ASIC1: variants seen among roughly 807,000 people sequenced by gnomAD.
ASIC1 encodes acid-sensing ion channel 1.
A neutral mutation model predicts 63.4 loss-of-function variants in ASIC1; 21 were observed. That is an observed-to-expected ratio of 0.33 (90% CI 0.23 to 0.48). The LOEUF (loss-of-function observed/expected upper bound fraction) is 0.48. Ranked by LOEUF, ASIC1 falls within the 20% of genes least tolerant of loss-of-function variation. The pLI is 0.99. For missense variants in ASIC1, 478 were observed against 695.5 expected, an observed-to-expected ratio of 0.69 and a Z score of 3.52; for synonymous variants, 258 against 278.2, an observed-to-expected ratio of 0.93 and a Z score of 0.72.
chr12:50,066,210 G>T (rs1425461509), intron 3 of ASIC1, among the ~76,000 whole-genome samples: 2 of 152,158 alleles, frequency 1.3e-5, no homozygotes, highest in Admixed American at 6.5e-5. Context: ...CATAATTCTT[G>T]TAGGAAGGAA....
chr12:50,064,607 C>G (rs888209041), intron 3 of ASIC1, among the ~76,000 whole-genome samples: 4 of 152,154 alleles, frequency 2.6e-5, no homozygotes, highest in African/African-American at 9.7e-5. Context: ...AGGAGCACCT[C>G]TAAGTCTTGG....
chr12:50,073,556 TC>T (rs1257191778), intron 3 of ASIC1: 1 of 1,477,154 alleles, frequency 6.8e-7, no homozygotes, highest in Non-Finnish European at 9.0e-7. Flanking sequence ...CTCCTGCAAA[TC>T]CCTGGCACCA....
At chr12:50,065,803 C>T (rs1458614636) in intron 3 of ASIC1, among the ~76,000 whole-genome samples, 54 of 152,346 alleles carry the variant, frequency 3.5e-4, no homozygotes, top group Non-Finnish European at 2.9e-5. Context: ...GGAGGTTGGG[C>T]TGTGCAGCTT....
chr12:50,079,044 G>T, intron 7 of ASIC1, 64 bp downstream of exon 7: 1 of 1,520,408 alleles, frequency 6.6e-7, no homozygotes. Flanking sequence ...ACGTGCGCAG[G>T]AGTTTCAGGT....
intron 3 of ASIC1, among the ~76,000 whole-genome samples, chr12:50,071,234 C>A (rs1950595619): frequency 6.7e-6 from 1 of 149,056 alleles, no homozygotes; most frequent in Non-Finnish European, 1.5e-5. Context: ...TGGCTGGATG[C>A]TGGCCTGAGG....
chr12:50,060,590 C>T (rs1397398232), intron 3 of ASIC1, among the ~76,000 whole-genome samples: 1 of 152,202 alleles, frequency 6.6e-6, no homozygotes, highest in East Asian at 1.9e-4. Context: ...AGCCGCAGAG[C>T]CAGGATCTGA....
Position 50,081,662 on chromosome 12 carries a change from G to A in ASIC1, c.*13G>A, listed in dbSNP as rs772051908. ...CTTTACCTGCTGAGCCCCGCAGGCCGCTGAACCAAAGGCCTAGATGGGGAG... is the reference window on the plus strand; with the variant it reads ...CTTTACCTGCTGAGCCCCGCAGGCCACTGAACCAAAGGCCTAGATGGGGAG... On this transcript the variant is annotated 3_prime_UTR_variant, in exon 12 of 12. Transcript: ENST00000447966. 6.2e-7 allele frequency: 1 copy of A among 1,611,464 alleles called. No individual in the cohort carries two copies. The highest frequency in any genetic ancestry group is 1.1e-5 in the South Asian group (1 of 90,756).
Position 50,078,078 on chromosome 12 carries a change from T to C in ASIC1, c.788T>C (p.Phe263Ser). 6.2e-7 allele frequency: 1 copy of C among 1,614,024 alleles called. No homozygotes were observed. ...CCTCCTTTCATCGACCAGCTGGGCTTTGGCGTGGCCCCAGGCTTCCAGACC... is the reference window on the plus strand; with the variant it reads ...CCTCCTTTCATCGACCAGCTGGGCTCTGGCGTGGCCCCAGGCTTCCAGACC... The part of the protein sequence containing the change: ...DEPPFIDQLG[F>S]GVAPGFQTFV... The change falls in exon 5 of 12, where the codon TTT becomes TCT. Residue 263 changes from phenylalanine (F) to serine (S), a missense_variant. Phe to Ser is a radical substitution (Grantham distance 155). This residue lies in a region of ASIC1 where 290 missense variants were observed against 414.9 expected (regional missense o/e 0.70). Transcript: ENST00000447966. This position sits in a 1 kb window ranked among gnomAD's most constrained non-coding sequence, Gnocchi z 6.0.
Position 50,081,322 on chromosome 12 carries a change from G to A in ASIC1, c.1440G>A (p.Ala480=), listed in dbSNP as rs1467444950. The A allele has an allele frequency of 6.2e-7, 1 of 1,610,778 alleles. No individual in the cohort carries two copies. Among genetic ancestry groups the A allele is most frequent in the Non-Finnish European group, 8.5e-7 (1 of 1,178,562 alleles). Residue 480 remains alanine (A), a synonymous_variant, in exon 11 of 12, where the codon GCG becomes GCA. Transcript: ENST00000447966. Reference sequence around the variant, plus strand: ...AGAAGGAGGCCAAAAGGAGCAGTGCGGACAAGGGCGTGGCCCTCAGCCTGG... The same window carrying A: ...AGAAGGAGGCCAAAAGGAGCAGTGCAGACAAGGGCGTGGCCCTCAGCCTGG... ...KCQKEAKRSS[A]DKGVALSLDD...
chr12:50,074,332 G>A lies in ASIC1; in HGVS notation c.559-2881G>A. The stretch of plus-strand genomic sequence containing the variant: ...GTCACCTCCTGGGGTTGGGGCTGGG[G>A]CTGGGGCTGGGGCTGATGACTGTGC... On this transcript the variant is annotated intron_variant, in intron 3 of 11. Transcript: ENST00000447966. This position sits in a 1 kb window ranked among gnomAD's most constrained non-coding sequence, Gnocchi z 4.2. 1 of 1,426,540 alleles carries A rather than the reference G, an allele frequency of 7.0e-7. No homozygotes were observed. Among genetic ancestry groups the A allele is most frequent in the Non-Finnish European group, 9.1e-7 (1 of 1,094,034 alleles). 88.4% of individuals were successfully genotyped at this position (1,426,540 alleles called of 1,614,324 possible).
intron 3 of ASIC1, among the ~76,000 whole-genome samples, chr12:50,071,443 G>T (rs572243525): frequency 4.8e-4 from 68 of 141,518 alleles, no homozygotes; most frequent in Admixed American, 9.9e-4. Flanking sequence ...AATTTTTTTG[G>T]TTTTTTTTTT....
At position 50,082,084 on chromosome 12, in the gene ASIC1, G is replaced by A. The variant is rs1300682097; in HGVS notation, c.*435G>A. The A allele has an allele frequency of 2.2e-5, 4 of 179,490 alleles. No homozygotes were observed. Among genetic ancestry groups the A allele is most frequent in the Non-Finnish European group, 4.7e-5 (4 of 85,190 alleles). The allele number at this position is 179,490 out of a possible 1,614,324, so 11.1% of individuals were successfully genotyped here. On this transcript the variant is annotated 3_prime_UTR_variant, in exon 12 of 12. Coordinates refer to ENST00000447966, the MANE Select transcript of ASIC1 (RefSeq NM_001095.4). ...CCAAACCAGAGAATGTACCTTAAGG[G>A]GGAGGGCTAGTGTGGGGGAGGGAGG...
intron 3 of ASIC1, chr12:50,073,977 G>C (rs747262393): frequency 2.7e-4 from 414 of 1,535,750 alleles, no homozygotes; most frequent in Non-Finnish European, 3.4e-4. Context: ...CCACGGAGCT[G>C]GCCTTCCCGG....
At chr12:50,080,402 C>A (rs1240045125) in intron 8 of ASIC1, 96 bp from the exon 9 acceptor site, 3 of 1,173,256 alleles carry the variant, frequency 2.6e-6, no homozygotes. Context: ...GATATGGAAA[C>A]TGAGATTCAG....
rs756842088 is a variant in ASIC1 at position 50,074,187 on chromosome 12, C to T, written c.559-3026C>T. The T allele has an allele frequency of 7.8e-5, 119 of 1,531,820 alleles. 1 individual carries two copies. The highest frequency in any genetic ancestry group is 4.0e-5 in the Admixed American group (2 of 50,524). 94.9% of individuals were successfully genotyped at this position (1,531,820 alleles called of 1,614,324 possible). On this transcript the variant is annotated intron_variant, in intron 3 of 11. Transcript: ENST00000447966. The surrounding 1 kb of genome is among the most constrained non-coding windows in gnomAD (Gnocchi z 4.2). Reference sequence around the variant, plus strand: ...ATCGCTCCTGCCACCGGCTGGAGGACATGCTGCTCTATTGCTCCTACCAAG... The same window carrying T: ...ATCGCTCCTGCCACCGGCTGGAGGATATGCTGCTCTATTGCTCCTACCAAG...
At position 50,059,904 on chromosome 12, in the gene ASIC1, C is replaced by T; in HGVS notation, c.508C>T (p.Leu170Phe). The T allele has an allele frequency of 6.2e-7, 1 of 1,614,158 alleles. No homozygotes were observed. The highest frequency in any genetic ancestry group is 8.5e-7 in the Non-Finnish European group (1 of 1,180,022). Residue 170 changes from leucine (L) to phenylalanine (F), a missense_variant, in exon 3 of 12, where the codon CTC becomes TTC. By Grantham distance (22) the Leu-to-Phe change is conservative. Coordinates refer to ENST00000447966, the MANE Select transcript of ASIC1 (RefSeq NM_001095.4). The surrounding 1 kb of genome is among the most constrained non-coding windows in gnomAD (Gnocchi z 4.6). ...TGGGCACGACATTCGAGACATGCTG[C>T]TCTCCTGCCACTTCCGGGGGGAGGT... ...RAGHDIRDML[L>F]SCHFRGEVCS...
chr12:50,078,758 C>A lies in ASIC1; in HGVS notation c.995-166C>A. The A allele has an allele frequency of 7.6e-7, 1 of 1,323,898 alleles. No homozygotes were observed. Among genetic ancestry groups the A allele is most frequent in the Non-Finnish European group, 1.1e-6 (1 of 928,656 alleles). 82.0% of individuals were successfully genotyped at this position (1,323,898 alleles called of 1,614,324 possible). On this transcript the variant is annotated intron_variant, in intron 6 of 11. Coordinates refer to ENST00000447966, the MANE Select transcript of ASIC1 (RefSeq NM_001095.4). The surrounding 1 kb of genome is among the most constrained non-coding windows in gnomAD (Gnocchi z 6.0). ...ACCCCCAGGGATGGGTGGGAAGGGT[C>A]TAGAAGGTATGGACCTGGAGTGGGT...
rs745337911 is a variant in ASIC1 at position 50,078,126 on chromosome 12, G to A, written c.836G>A (p.Arg279Gln). 21 of 1,612,200 alleles carry A rather than the reference G, an allele frequency of 1.3e-5. No individual in the cohort carries two copies. Among genetic ancestry groups the A allele is most frequent in the South Asian group, 5.5e-5 (5 of 90,866 alleles). The change falls in exon 5 of 12, where the codon CGG (arginine) becomes CAG (glutamine). Residue 279 changes from arginine (R) to glutamine (Q), a missense_variant and splice_region_variant. Around this residue, in one of 3 missense-constraint regions of ASIC1, gnomAD observed 290 missense variants for 414.9 expected, o/e 0.70. Transcript: ENST00000447966. This position sits in a 1 kb window ranked among gnomAD's most constrained non-coding sequence, Gnocchi z 6.0. The part of the protein sequence containing the change: ...FQTFVACQEQ[R>Q]LIYLPPPWGT... ...ACCTTTGTGGCCTGCCAGGAGCAGC[G>A]GGTGAGAGGGCCATGGGAGGCTGGT...
rs746957755 is a variant in ASIC1 at position 50,078,047 on chromosome 12, G to A, written c.757G>A (p.Asp253Asn). The change falls in exon 5 of 12, where the codon GAT (aspartate) becomes AAT (asparagine). Residue 253 changes from aspartate to asparagine, a missense_variant. By Grantham distance (23) the Asp-to-Asn change is conservative (BLOSUM62 1). Coordinates refer to ENST00000447966, the MANE Select transcript of ASIC1 (RefSeq NM_001095.4). This position sits in a 1 kb window ranked among gnomAD's most constrained non-coding sequence, Gnocchi z 6.0. ...CATCAAAGTGCAGATCCATAGTCAGGATGAACCTCCTTTCATCGACCAGCT... is the reference window on the plus strand; with the variant it reads ...CATCAAAGTGCAGATCCATAGTCAGAATGAACCTCCTTTCATCGACCAGCT... ...AGIKVQIHSQ[D>N]EPPFIDQLGF... 6.2e-7 allele frequency: 1 copy of A among 1,614,064 alleles called. No individual in the cohort carries two copies. Among genetic ancestry groups the A allele is most frequent in the Non-Finnish European group, 8.5e-7 (1 of 1,179,954 alleles).
Sources: gnomAD v4.1 joint callset for allele counts (sites outside exome capture counted in the v4.1 genomes callset) on GRCh38, gnomAD v4.1.1 for gene constraint, gnomAD v4.1.1 regional missense constraint, Gnocchi (gnomAD v3.1) non-coding constraint, MANE v1.5 for transcripts, NCBI Gene and HGNC (gene_info 2026-07-23, HGNC 2026-07-21) for gene names.